The following DHRS3 variants were observed in gnomAD, a reference collection of about 807,000 sequenced individuals.
The protein encoded by DHRS3 is short-chain dehydrogenase/reductase 3.
In DHRS3, 14 loss-of-function variants were observed where a neutral mutation model predicts 27.2. That is an observed-to-expected ratio of 0.52 (90% CI 0.34 to 0.81). The LOEUF is 0.81. Ranked by LOEUF, DHRS3 falls within the 30% of genes least tolerant of loss-of-function variation. The pLI is 0.01. For synonymous variants in DHRS3, 165 were observed against 175.9 expected (o/e 0.94, Z 0.49); for missense variants, 322 against 406.2 (o/e 0.79, Z 1.78).
At chr1:12,579,539 C>G in intron 2 of DHRS3, 127 bp from the exon 3 acceptor site, 1 of 1,372,528 alleles carries the variant, frequency 7.3e-7, no homozygotes, top group South Asian at 1.5e-5. Context: ...GCAGTGGCAC[C>G]ATCTCGGCTC....
chr1:12,597,861 C>G (rs372518040), intron 1 of DHRS3, among the ~76,000 whole-genome samples: 6 of 152,282 alleles, frequency 3.9e-5, no homozygotes, highest in East Asian at 3.9e-4. Flanking sequence ...AGCCTCAAAC[C>G]AAGTGTAGGG....
intron 1 of DHRS3, among the ~76,000 whole-genome samples, chr1:12,598,474 T>A (rs566371966): frequency 6.6e-6 from 1 of 152,232 alleles, no homozygotes; most frequent in Non-Finnish European, 1.5e-5. Flanking sequence ...TTACGGCCCC[T>A]TATCCTCCGT....
intron 5 of DHRS3, among the ~76,000 whole-genome samples, chr1:12,569,227 T>TCACACACA (rs1557509296): frequency 0.044 from 5,900 of 135,610 alleles, 165 homozygotes; most frequent in East Asian, 0.14. Flanking sequence ...CCTCTCTCTC[T>TCACACACA]CTCTCACACA....
chr1:12,580,344 A>G (rs575335109), intron 2 of DHRS3, 179 bp downstream of exon 2: 5 of 752,352 alleles, frequency 6.6e-6, no homozygotes, highest in Non-Finnish European at 1.1e-5. Flanking sequence ...TACGTAATCA[A>G]CCCTAATCCC....
chr1:12,568,207 G>C lies in DHRS3; in HGVS notation c.*133C>G, dbSNP rs553457783. ...TCCTGGGACTGGCCCAGGGGCAGCC[G>C]GATTCTTCGCTGGGGACAGGAGCTG... On this transcript the variant is annotated 3_prime_UTR_variant, in exon 6 of 6. Transcript: ENST00000616661. The C allele has an allele frequency of 1.2e-6, 1 of 855,700 alleles. No individual in the cohort carries two copies. The highest frequency in any genetic ancestry group is 1.9e-6 in the Non-Finnish European group (1 of 520,820). The allele number at this position is 855,700 out of a possible 1,614,324, so 53.0% of individuals were successfully genotyped here.
chr1:12,574,576 A>G lies in DHRS3; in HGVS notation c.699-1723T>C, dbSNP rs1646568984. 1.3e-5 allele frequency among the ~76,000 whole-genome samples: 2 copies of G among 152,154 alleles called. No individual in the cohort carries two copies. The highest frequency in any genetic ancestry group is 4.8e-5 in the African/African-American group (2 of 41,428). ...GGCAGCTCACTGATACTGGAGTCCT[A>G]CAGGTGTCGTGGGCGGTCTGGATTC... On this transcript the variant is annotated intron_variant, in intron 4 of 5. Transcript: ENST00000616661. The surrounding 1 kb of genome is among the most constrained non-coding windows in gnomAD (Gnocchi z 4.6).
Position 12,586,319 on chromosome 1 carries a change from G to T in DHRS3, c.196-5653C>A, listed in dbSNP as rs1044794286. On this transcript the variant is annotated intron_variant, in intron 1 of 5. Transcript: ENST00000616661. The surrounding 1 kb of genome is among the most constrained non-coding windows in gnomAD (Gnocchi z 5.0). ...CCCAGAGCCTTGGCCCTTTGCAGAGGCACCCCTAAGCCCCCAGGCACGGTG... is the reference window on the plus strand; with the variant it reads ...CCCAGAGCCTTGGCCCTTTGCAGAGTCACCCCTAAGCCCCCAGGCACGGTG... 3.9e-5 allele frequency among the ~76,000 whole-genome samples: 6 copies of T among 152,240 alleles called. No individual in the cohort carries two copies. The highest frequency in any genetic ancestry group is 7.3e-5 in the Non-Finnish European group (5 of 68,042).
rs749260101 is a variant in DHRS3, at chr1:12,578,870, G to A, written c.546C>T (p.Ile182=). The A allele has an allele frequency of 1.2e-6, 2 of 1,614,004 alleles. No individual in the cohort carries two copies. Among genetic ancestry groups the A allele is most frequent in the Non-Finnish European group, 1.7e-6 (2 of 1,180,026 alleles). Residue 182 remains isoleucine (I), a synonymous_variant, in exon 4 of 6, where the codon ATC becomes ATT. Coordinates refer to ENST00000616661, the MANE Select transcript of DHRS3 (RefSeq NM_004753.7). This position sits in a 1 kb window ranked among gnomAD's most constrained non-coding sequence, Gnocchi z 4.5. The part of the protein sequence containing the change: ...CLNSVLALSA[I]PGAIDYCTSK... ...ATGTGCAGTAGTCGATGGCACCGGG[G>A]ATGGCAGACAGTGCCAGCACGGAGT...
intron 1 of DHRS3, among the ~76,000 whole-genome samples, chr1:12,597,111 C>T (rs1441426711): frequency 6.6e-6 from 1 of 152,100 alleles, no homozygotes; most frequent in Non-Finnish European, 1.5e-5. Flanking sequence ...GAGTCTCACT[C>T]TGTCACCCAG....
In DHRS3 at chr1:12,617,323, A is replaced by G. The variant is rs1416801389; in HGVS notation, c.26T>C (p.Leu9Pro). The stretch of plus-strand genomic sequence containing the variant: ...GATCATCTGTAGAGGGAACATCACC[A>G]GCGCGCCCAGCCGTTTCCACACCAT... MVWKRLGA[L>P]VMFPLQMIYL... The change falls in exon 1 of 6, where the codon CTG (leucine) becomes CCG (proline). Residue 9 changes from leucine (L) to proline (P), a missense_variant. Coordinates refer to ENST00000616661, the MANE Select transcript of DHRS3 (RefSeq NM_004753.7). 13 of 1,605,024 alleles carry G rather than the reference A, an allele frequency of 8.1e-6. No homozygotes were observed. Among genetic ancestry groups the G allele is most frequent in the Non-Finnish European group, 8.5e-6 (10 of 1,173,086 alleles).
Position 12,571,526 on chromosome 1 carries a change from ATT to A in DHRS3, c.824+1200_824+1201del, listed in dbSNP as rs371364169. Reference sequence around the variant, plus strand: ...ATCTCTTCAGGGGTCTGTGAGGTCAATTTTTTTTTTTTTTTTTTTTTGAGACG... The same window carrying A: ...ATCTCTTCAGGGGTCTGTGAGGTCAATTTTTTTTTTTTTTTTTTTGAGACG... On this transcript the variant is annotated intron_variant, in intron 5 of 5. Transcript: ENST00000616661. Among the ~76,000 whole-genome samples, 139 of 126,714 alleles carry A rather than the reference ATT, an allele frequency of 1.1e-3. 2 individuals are homozygous for A. The highest frequency in any genetic ancestry group is 2.9e-3 in the African/African-American group (94 of 32,404). The allele number at this position is 126,714 out of a possible 152,430, so 83.1% of individuals were successfully genotyped here.
In DHRS3 at chr1:12,570,452, T is replaced by G. The variant is rs551458719; in HGVS notation, c.825-2028A>C. ...CACTCTAAGTACAAGATGAAAAGGG[T>G]TCACTTCCAGCTGGAGCAATCTGGA... On this transcript the variant is annotated intron_variant, in intron 5 of 5. Transcript: ENST00000616661. Among the ~76,000 whole-genome samples the G allele has an allele frequency of 2.0e-5, 3 of 152,230 alleles. No individual in the cohort carries two copies. The South Asian group carries it at 6.2e-4, about 32-fold the overall frequency.
intron 1 of DHRS3, among the ~76,000 whole-genome samples, chr1:12,613,087 C>T (rs1007358287): frequency 2.5e-4 from 37 of 149,382 alleles, no homozygotes; most frequent in African/African-American, 7.6e-4. Flanking sequence ...GATGACGGGA[C>T]GTAGACACAC....
intron 1 of DHRS3, among the ~76,000 whole-genome samples, chr1:12,615,749 T>G (rs1054186268): frequency 6.6e-6 from 1 of 152,134 alleles, no homozygotes; most frequent in South Asian, 2.1e-4. Context: ...CACAAAGAGC[T>G]TCAGGAGCCC....
At chr1:12,597,850 G>A (rs1646809183) in intron 1 of DHRS3, among the ~76,000 whole-genome samples, 1 of 152,166 alleles carries the variant, frequency 6.6e-6, no homozygotes, top group African/African-American at 2.4e-5. Context: ...GGTGACAGCC[G>A]AGCCTCAAAC....
chr1:12,588,516 G>A (rs1395353302), intron 1 of DHRS3, among the ~76,000 whole-genome samples: 1 of 152,168 alleles, frequency 6.6e-6, no homozygotes, highest in Non-Finnish European at 1.5e-5. Context: ...CTAGTGCACA[G>A]ATGTGAGCAT....
In DHRS3 at chr1:12,617,787, T is replaced by TAAA. The variant is rs1491262294; in HGVS notation, c.-440_-439insTTT. On this transcript the variant is annotated 5_prime_UTR_variant, in exon 1 of 6. Coordinates refer to ENST00000616661, the MANE Select transcript of DHRS3 (RefSeq NM_004753.7). ...GGTCCCGCGGTTTCAAAGTGCAAGA[T>TAAA]TAAAAAAAAAAAAAAAAAAAAAAAA... 1 of 5,024 alleles carries TAAA rather than the reference T, an allele frequency of 2.0e-4. No homozygotes were observed. The highest frequency in any genetic ancestry group is 3.5e-4 in the Non-Finnish European group (1 of 2,846). The allele number at this position is 5,024 out of a possible 1,614,324, so 0.3% of individuals were successfully genotyped here.
intron 1 of DHRS3, among the ~76,000 whole-genome samples, chr1:12,598,385 A>G (rs1646812934): frequency 6.7e-6 from 1 of 149,620 alleles, no homozygotes; most frequent in Non-Finnish European, 1.5e-5. Context: ...GGCAAGTAAA[A>G]TAAAACAAAA....
In DHRS3 at chr1:12,618,184, G is replaced by A. The variant is rs114161112; in HGVS notation, c.-836C>T. ...TTTTGTCCTTTCCAACTTGGAGAGG[G>A]TCCGGGTGTGGAGCGCGCGTGGATC... On this transcript the variant is annotated 5_prime_UTR_variant, in exon 1 of 6. Transcript: ENST00000616661. This position sits in a 1 kb window ranked among gnomAD's most constrained non-coding sequence, Gnocchi z 4.2. Among the ~76,000 whole-genome samples, 3,901 of 152,302 alleles carry A rather than the reference G, an allele frequency of 0.026. 71 individuals are homozygous for A. The highest frequency in any genetic ancestry group is 0.042 in the Non-Finnish European group (2,850 of 68,014).
Sources: gnomAD v4.1 joint callset for allele counts (sites outside exome capture counted in the v4.1 genomes callset) on GRCh38, gnomAD v4.1.1 for gene constraint, Gnocchi (gnomAD v3.1) non-coding constraint, MANE v1.5 for transcripts, NCBI Gene and HGNC (gene_info 2026-07-23, HGNC 2026-07-21) for gene names.